The following ADAMTSL3 variants were observed in gnomAD, a reference collection of about 807,000 sequenced individuals.
The protein encoded by ADAMTSL3 is ADAMTS like 3, also known as ADAMTS-like protein 3.
In ADAMTSL3, 128 loss-of-function variants were observed where a neutral mutation model predicts 201.7. The observed-to-expected ratio is 0.63, with a 90% CI of 0.55 to 0.73. The LOEUF (loss-of-function observed/expected upper bound fraction) is 0.73. Ranked by LOEUF, ADAMTSL3 falls within the 30% of genes least tolerant of loss-of-function variation. The pLI is 0.00. For missense variants in ADAMTSL3, 1,990 were observed against 2,119.6 expected (o/e 0.94, Z 1.20); for synonymous variants, 738 against 748.4 (o/e 0.99, Z 0.23).
chr15:83,767,018 G>C (rs772708102), intron 3 of ADAMTSL3, among the ~76,000 whole-genome samples: 11 of 152,210 alleles, frequency 7.2e-5, no homozygotes, highest in East Asian at 1.9e-4. Context: ...CGCTTGAACC[G>C]GGGAGGCAGA....
At chr15:83,667,054 A>C (rs1380509322) in intron 2 of ADAMTSL3, among the ~76,000 whole-genome samples, 1 of 152,056 alleles carries the variant, frequency 6.6e-6, no homozygotes, top group Non-Finnish European at 1.5e-5. Context: ...AAAAAATTTT[A>C]AGTAGTCTAG....
At chr15:83,745,960 T>A (rs1963443247) in intron 3 of ADAMTSL3, among the ~76,000 whole-genome samples, 1 of 152,166 alleles carries the variant, frequency 6.6e-6, no homozygotes, top group African/African-American at 2.4e-5. Context: ...CTATCAGTTA[T>A]TAGTGTTGTC....
In ADAMTSL3 at chr15:83,819,942, T is replaced by G; in HGVS notation, c.495T>G (p.Cys165Trp). 6.2e-7 allele frequency: 1 copy of G among 1,614,130 alleles called. No homozygotes were observed. Among genetic ancestry groups the G allele is most frequent in the Non-Finnish European group, 8.5e-7 (1 of 1,180,022 alleles). Residue 165 changes from cysteine to tryptophan, a missense_variant, in exon 6 of 30, where the codon TGT becomes TGG. Coordinates refer to ENST00000286744, the MANE Select transcript of ADAMTSL3 (RefSeq NM_207517.3). ...NDPAAPCALK[C>W]HAQGQNLVVE... ...CTGCTGCCCCGTGTGCACTCAAGTGTCATGCACAAGGACAAAACTTGGTGG... is the reference window on the plus strand; with the variant it reads ...CTGCTGCCCCGTGTGCACTCAAGTGGCATGCACAAGGACAAAACTTGGTGG...
chr15:83,960,633 G>T (rs112991573), intron 19 of ADAMTSL3, among the ~76,000 whole-genome samples: 518 of 152,266 alleles, frequency 3.4e-3, no homozygotes, highest in Non-Finnish European at 4.7e-3. Context: ...AAAGAAGGAG[G>T]GGGGAGGGGC....
In ADAMTSL3 at chr15:83,975,449, G is replaced by A. The variant is rs930673668; in HGVS notation, c.2644+4812G>A. 2.6e-5 allele frequency among the ~76,000 whole-genome samples: 4 copies of A among 152,228 alleles called. No homozygotes were observed. The South Asian group carries it at 8.3e-4, about 32-fold the overall frequency. On this transcript the variant is annotated intron_variant, in intron 20 of 29. Transcript: ENST00000286744. ...ATCCCTGCTTGTCATAGCTACAGTC[G>A]TAGAGACCCAGCCAGGCAGAGGCCT...
intron 3 of ADAMTSL3, among the ~76,000 whole-genome samples, chr15:83,735,940 T>C (rs2062363243): frequency 6.6e-6 from 1 of 151,998 alleles, no homozygotes; most frequent in African/African-American, 2.4e-5. Context: ...AAGCCTGCAG[T>C]GAAAACAAGG....
rs1430089606 is a variant in ADAMTSL3, at chr15:83,825,602, G to A, written c.600+5555G>A. Among the ~76,000 whole-genome samples, 5 of 152,138 alleles carry A rather than the reference G, an allele frequency of 3.3e-5. No individual in the cohort carries two copies. In the South Asian group the frequency reaches 8.3e-4, roughly 25 times the overall value. On this transcript the variant is annotated intron_variant, in intron 6 of 29. Coordinates refer to ENST00000286744, the MANE Select transcript of ADAMTSL3 (RefSeq NM_207517.3). ...CCACTGTACTCCAGCCTATGATAGG[G>A]TGAGACCCTGTTTCTAAAAAATAAA... is the stretch of plus-strand genomic sequence containing the variant.
At chr15:83,834,427 T>A (rs6602996) in intron 6 of ADAMTSL3, among the ~76,000 whole-genome samples, 2,981 of 152,260 alleles carry the variant, frequency 0.02, 95 homozygotes, top group African/African-American at 0.067. Flanking sequence ...GGCAGAAATG[T>A]CAGATTTTTC....
chr15:84,033,968 T>C (rs1284588337), intron 28 of ADAMTSL3, among the ~76,000 whole-genome samples: 2 of 151,988 alleles, frequency 1.3e-5, no homozygotes, highest in East Asian at 3.9e-4. Context: ...TGGAAGAAAA[T>C]TCCTAGAGCT....
intron 8 of ADAMTSL3, chr15:83,862,840 T>A (rs906990407): frequency 2.6e-5 from 4 of 151,806 alleles, no homozygotes; most frequent in African/African-American, 9.7e-5. Flanking sequence ...GGATAAAGAG[T>A]CAAGACCTAT....
In ADAMTSL3 at chr15:83,979,785, G is replaced by A. The variant is rs569420474; in HGVS notation, c.2645-2488G>A. ...CTAGAATGTGCTCATAGACAACACA[G>A]ATGCTGCTTCCTATTTTCCCTTCCC... On this transcript the variant is annotated intron_variant, in intron 20 of 29. Transcript: ENST00000286744. 2.0e-5 allele frequency among the ~76,000 whole-genome samples: 3 copies of A among 152,318 alleles called. No individual in the cohort carries two copies. In the East Asian group the frequency reaches 5.8e-4, roughly 29 times the overall value.
chr15:83,750,269 A>G (rs887105195), intron 3 of ADAMTSL3, among the ~76,000 whole-genome samples: 2 of 152,244 alleles, frequency 1.3e-5, no homozygotes, highest in African/African-American at 4.8e-5. Context: ...TCCGTATTGC[A>G]CAGGGATGGA....
intron 4 of ADAMTSL3, among the ~76,000 whole-genome samples, chr15:83,785,576 A>G (rs935665828): frequency 6.6e-6 from 1 of 152,064 alleles, no homozygotes; most frequent in Non-Finnish European, 1.5e-5. Context: ...TTACAAGGCC[A>G]TGTCTAGCTG....
chr15:83,677,956 GTCTC>G (rs767493422), intron 2 of ADAMTSL3, among the ~76,000 whole-genome samples: 61 of 145,594 alleles, frequency 4.2e-4, no homozygotes, highest in Non-Finnish European at 8.3e-4. Flanking sequence ...CTCTCTCTCT[GTCTC>G]TCTCTATTTC....
chr15:83,831,514 A>G (rs2064156814), intron 6 of ADAMTSL3, among the ~76,000 whole-genome samples: 1 of 152,186 alleles, frequency 6.6e-6, no homozygotes, highest in Non-Finnish European at 1.5e-5. Flanking sequence ...CCTGAAGCAT[A>G]TGTAATTAGA....
intron 2 of ADAMTSL3, among the ~76,000 whole-genome samples, chr15:83,682,177 C>G (rs1442148370): frequency 6.6e-6 from 1 of 152,124 alleles, no homozygotes; most frequent in Non-Finnish European, 1.5e-5. Context: ...TCTCTGTATT[C>G]TCTCTGGCAT....
chr15:83,691,877 G>A (rs2061613257), intron 2 of ADAMTSL3, among the ~76,000 whole-genome samples: 1 of 152,186 alleles, frequency 6.6e-6, no homozygotes, highest in Non-Finnish European at 1.5e-5. Flanking sequence ...GCCTCCCAAA[G>A]TGCTGGGATT....
intron 2 of ADAMTSL3, among the ~76,000 whole-genome samples, chr15:83,683,695 G>A (rs2061503331): frequency 1.3e-5 from 2 of 152,290 alleles, no homozygotes; most frequent in South Asian, 4.1e-4. Context: ...CAGCCTTGTT[G>A]CATCTGGAGT....
intron 4 of ADAMTSL3, among the ~76,000 whole-genome samples, chr15:83,800,671 T>G (rs2063502030): frequency 2.0e-5 from 3 of 152,224 alleles, no homozygotes; most frequent in South Asian, 4.1e-4. Flanking sequence ...AGTTTTGTAT[T>G]CCAGTATTGC....
Sources: gnomAD v4.1 joint callset for allele counts (sites outside exome capture counted in the v4.1 genomes callset) on GRCh38, gnomAD v4.1.1 for gene constraint, MANE v1.5 for transcripts, NCBI Gene and HGNC (gene_info 2026-07-23, HGNC 2026-07-21) for gene names.